Variants in LRGUK observed in about 807,000 individuals in gnomAD.
LRGUK encodes the protein leucine-rich repeat and guanylate kinase domain-containing protein.
LRGUK carries 65 observed loss-of-function variants against 76.0 expected under a neutral mutation model. That is an observed-to-expected ratio of 0.85 (90% CI 0.70 to 1.05). The LOEUF is 1.05. Ranked by LOEUF, LRGUK falls within the 50% of genes least tolerant of loss-of-function variation. The pLI is 0.00. For missense variants in LRGUK, 758 were observed against 732.8 expected (o/e 1.03, Z -0.40); for synonymous variants, 268 against 265.6 (o/e 1.01, Z -0.09).
intron 4 of LRGUK, among the ~76,000 whole-genome samples, chr7:134,146,705 T>G (rs1797984363): frequency 6.6e-6 from 1 of 152,234 alleles, no homozygotes; most frequent in Admixed American, 6.5e-5. Flanking sequence ...TGGAGTTGTT[T>G]CTAAATTAGT....
intron 15 of LRGUK, among the ~76,000 whole-genome samples, chr7:134,205,666 C>G (rs912051892): frequency 1.3e-5 from 2 of 152,268 alleles, no homozygotes; most frequent in Admixed American, 6.5e-5. Flanking sequence ...AATTAGGAAA[C>G]TGGACTGGAA....
At chr7:134,149,601 G>T (rs1475709973) in intron 5 of LRGUK, among the ~76,000 whole-genome samples, 1 of 152,220 alleles carries the variant, frequency 6.6e-6, no homozygotes, top group African/African-American at 2.4e-5. Context: ...TGGACATTTA[G>T]ATGGTGCTTA....
chr7:134,272,153 A>T, the LRGUK span, among the ~76,000 whole-genome samples: 1 of 152,182 alleles, frequency 6.6e-6, no homozygotes, highest in African/African-American at 2.4e-5. Context: ...TTTTAGGTAG[A>T]TAAACTTCTT....
intron 6 of LRGUK, 27 bp downstream of exon 6, chr7:134,158,186 A>G (rs1170307265): frequency 6.3e-7 from 1 of 1,597,214 alleles, no homozygotes. Flanking sequence ...GCTGTTCTTT[A>G]TAGAAGTAGT....
At chr7:134,173,264 T>C (rs978202007) in intron 7 of LRGUK, among the ~76,000 whole-genome samples, 2 of 152,200 alleles carry the variant, frequency 1.3e-5, no homozygotes, top group Admixed American at 6.5e-5. Flanking sequence ...ATATTGTATC[T>C]TTGAAAATGG....
chr7:134,226,545 A>G (rs1801769568), intron 16 of LRGUK, among the ~76,000 whole-genome samples: 1 of 152,192 alleles, frequency 6.6e-6, no homozygotes, highest in South Asian at 2.1e-4. Flanking sequence ...CTGGGTAAGT[A>G]CATGTTTATG....
chr7:134,154,625 A>G (rs974350387), intron 5 of LRGUK, among the ~76,000 whole-genome samples: 3 of 152,208 alleles, frequency 2.0e-5, no homozygotes, highest in Admixed American at 2.0e-4. Flanking sequence ...AGGAGGAAAT[A>G]ATTTTTCTGG....
chr7:134,149,258 G>A (rs1798107226), intron 5 of LRGUK, among the ~76,000 whole-genome samples: 1 of 152,178 alleles, frequency 6.6e-6, no homozygotes, highest in Non-Finnish European at 1.5e-5. Context: ...AGTTTAATGA[G>A]CTTGAGTCTC....
intron 3 of LRGUK, among the ~76,000 whole-genome samples, chr7:134,141,011 C>T (rs1797743003): frequency 6.6e-6 from 1 of 152,114 alleles, no homozygotes; most frequent in African/African-American, 2.4e-5. Context: ...CATACCTCCG[C>T]GGTTGTTTCC....
At chr7:134,228,790 C>A (rs1418545152) in intron 16 of LRGUK, among the ~76,000 whole-genome samples, 2 of 151,976 alleles carry the variant, frequency 1.3e-5, no homozygotes, top group East Asian at 3.9e-4. Flanking sequence ...ATCAGATTAT[C>A]AAATTTTGAT....
intron 16 of LRGUK, among the ~76,000 whole-genome samples, chr7:134,228,605 G>A (rs1801817823): frequency 6.6e-6 from 1 of 151,898 alleles, no homozygotes. Flanking sequence ...GGTAAAGATG[G>A]TAAATTATAT....
At chr7:134,240,774 A>G (rs1585592501) in intron 16 of LRGUK, among the ~76,000 whole-genome samples, 1 of 152,340 alleles carries the variant, frequency 6.6e-6, no homozygotes, top group East Asian at 1.9e-4. Context: ...ATTTGAAATG[A>G]CGGAAAAAAT....
At chr7:134,239,511 C>T (rs867680608) in intron 16 of LRGUK, among the ~76,000 whole-genome samples, 23 of 152,186 alleles carry the variant, frequency 1.5e-4, no homozygotes, top group Non-Finnish European at 2.8e-4. Flanking sequence ...GAGGGGCATC[C>T]GCCATTGCTG....
intron 19 of LRGUK, among the ~76,000 whole-genome samples, chr7:134,259,269 TGAG>T (rs1802661683): frequency 1.3e-5 from 2 of 151,966 alleles, no homozygotes; most frequent in Non-Finnish European, 2.9e-5. Flanking sequence ...CAAATAACAC[TGAG>T]TAAAGACCTT....
At chr7:134,210,564 C>T (rs889998709), downstream of LRGUK, among the ~76,000 whole-genome samples, 1 of 152,152 alleles carries the variant, frequency 6.6e-6, no homozygotes, top group African/African-American at 2.4e-5. Flanking sequence ...CAGCCCTCAC[C>T]CGGGAGACCT....
chr7:134,174,094 C>T (rs13228957), intron 7 of LRGUK, among the ~76,000 whole-genome samples: 11 of 137,222 alleles, frequency 8.0e-5, no homozygotes, highest in South Asian at 4.6e-4. Context: ...GGTGACAGAG[C>T]GAGACTCCAT....
At chr7:134,174,584 T>C (rs760426888) in exon 8 of LRGUK, 1 of 1,609,000 alleles carries the variant, frequency 6.2e-7, no homozygotes, top group South Asian at 1.1e-5. Flanking sequence ...ATAGAATACA[T>C]TAAAAATTTA....
At chr7:134,176,556 A>T (rs988704620) in intron 8 of LRGUK, among the ~76,000 whole-genome samples, 14 of 151,612 alleles carry the variant, frequency 9.2e-5, no homozygotes, top group African/African-American at 3.4e-4. Flanking sequence ...ATTTTTTTGT[A>T]TTTTTAGTAG....
At chr7:134,225,069 A>T (rs1301818760) in intron 16 of LRGUK, among the ~76,000 whole-genome samples, 1 of 150,878 alleles carries the variant, frequency 6.6e-6, no homozygotes, top group African/African-American at 2.4e-5. Flanking sequence ...AAAAAAAAAA[A>T]AGTGTTGGTC....
Sources: allele counts gnomAD v4.1 joint callset (sites outside exome capture counted in the v4.1 genomes callset), GRCh38; gene constraint gnomAD v4.1.1; transcripts MANE v1.5; gene names NCBI Gene and HGNC (gene_info 2026-07-23, HGNC 2026-07-21).